MPP7: variants seen among roughly 807,000 people sequenced by gnomAD.
MPP7 encodes MAGUK p55 subfamily member 7.
In MPP7, 60 loss-of-function variants were observed where a neutral mutation model predicts 76.5. The ratio of observed to expected loss-of-function variants is 0.78; its 90% CI spans 0.64 to 0.97. The LOEUF is 0.97. Ranked by LOEUF, MPP7 falls within the 50% of genes least tolerant of loss-of-function variation. MPP7 has a pLI of 0.00. For missense variants in MPP7, 641 were observed against 694.0 expected, an observed-to-expected ratio of 0.92 and a Z score of 0.86; for synonymous variants, 237 against 244.5, an observed-to-expected ratio of 0.97 and a Z score of 0.29.
At chr10:28,105,499 T>A (rs1402398113) in intron 11 of MPP7, among the ~76,000 whole-genome samples, 1 of 152,164 alleles carries the variant, frequency 6.6e-6, no homozygotes, top group Non-Finnish European at 1.5e-5. Flanking sequence ...TCAGTTATAA[T>A]GCAGCTCAGC....
At position 28,175,213 on chromosome 10, in the gene MPP7, C is replaced by G. The variant is rs571215200; in HGVS notation, c.157-25154G>C. Among the ~76,000 whole-genome samples, 133 of 151,988 alleles carry G rather than the reference C, an allele frequency of 8.8e-4. 1 individual carries two copies. The highest frequency in any genetic ancestry group is 4.0e-4 in the Non-Finnish European group (27 of 67,960). On this transcript the variant is annotated intron_variant, in intron 3 of 16. Coordinates refer to ENST00000683449, the MANE Select transcript of MPP7 (RefSeq NM_001318170.2). ...TCTGAGGCATGAGAATCACTTGAAC[C>G]CAGGGGGCAGAGGGTGCAGTGAGCT...
At chr10:28,213,573 T>A (rs1218802491) in intron 2 of MPP7, among the ~76,000 whole-genome samples, 1 of 151,620 alleles carries the variant, frequency 6.6e-6, no homozygotes. Flanking sequence ...GGCGGGCAGA[T>A]CAAGAGGTCA....
chr10:28,173,905 A>G (rs1255199200), intron 3 of MPP7, among the ~76,000 whole-genome samples: 1 of 152,250 alleles, frequency 6.6e-6, no homozygotes, highest in Non-Finnish European at 1.5e-5. Context: ...AATTCAATGC[A>G]ATAATCATCA....
chr10:28,195,543 T>C (rs951111382), intron 3 of MPP7, among the ~76,000 whole-genome samples: 1 of 152,246 alleles, frequency 6.6e-6, no homozygotes, highest in African/African-American at 2.4e-5. Context: ...CATACAATGT[T>C]ATTCAGTCAT....
chr10:28,105,277 A>G (rs1834287858), intron 11 of MPP7, among the ~76,000 whole-genome samples: 1 of 151,910 alleles, frequency 6.6e-6, no homozygotes, highest in Admixed American at 6.6e-5. Flanking sequence ...GAAGAAACAT[A>G]TTGTCTCATT....
chr10:28,300,762 G>A (rs934013312), intron 1 of MPP7, among the ~76,000 whole-genome samples: 1 of 151,518 alleles, frequency 6.6e-6, no homozygotes, highest in Non-Finnish European at 1.5e-5. Flanking sequence ...GACCAGCCTG[G>A]CCAACATAGT....
chr10:28,142,496 C>A (rs563936652), intron 5 of MPP7, among the ~76,000 whole-genome samples: 1 of 152,130 alleles, frequency 6.6e-6, no homozygotes, highest in Non-Finnish European at 1.5e-5. Flanking sequence ...TTTGGGAGGA[C>A]TAGGTGAGTG....
At chr10:28,305,976 A>G (rs1841252458), upstream of MPP7, 1 of 152,232 alleles carries the variant, frequency 6.6e-6, no homozygotes, top group East Asian at 1.9e-4. Flanking sequence ...GGTGAGCAGT[A>G]TTAATCCTAT....
chr10:28,302,466 C>T (rs540562763), intron 1 of MPP7, among the ~76,000 whole-genome samples: 1 of 152,328 alleles, frequency 6.6e-6, no homozygotes, highest in Admixed American at 6.5e-5. Context: ...AAGAAGCCAG[C>T]CAGCTTATCG....
chr10:28,177,028 T>A (rs1248026401), intron 3 of MPP7, among the ~76,000 whole-genome samples: 60 of 136,806 alleles, frequency 4.4e-4, no homozygotes, highest in African/African-American at 1.1e-3. Flanking sequence ...AAGTATAATT[T>A]AAAAAAAAAA....
At chr10:28,145,894 C>T (rs1433228068) in intron 5 of MPP7, among the ~76,000 whole-genome samples, 3 of 152,126 alleles carry the variant, frequency 2.0e-5, no homozygotes, top group Non-Finnish European at 2.9e-5. Flanking sequence ...AGTCATACCT[C>T]CCTCTTGAGC....
chr10:28,269,634 C>G (rs1269286056), intron 1 of MPP7, among the ~76,000 whole-genome samples: 1 of 151,456 alleles, frequency 6.6e-6, no homozygotes, highest in Non-Finnish European at 1.5e-5. Flanking sequence ...TCAAGTGATC[C>G]TCCCAGCTCA....
chr10:28,272,602 C>T (rs1327430351), intron 1 of MPP7, among the ~76,000 whole-genome samples: 1 of 152,000 alleles, frequency 6.6e-6, no homozygotes, highest in East Asian at 1.9e-4. Context: ...GAATAATCAA[C>T]AGATATAGTT....
At chr10:28,132,631 G>T (rs781572644) in intron 5 of MPP7, among the ~76,000 whole-genome samples, 2 of 151,946 alleles carry the variant, frequency 1.3e-5, no homozygotes, top group East Asian at 3.9e-4. Flanking sequence ...ACAGAGTCTC[G>T]CTCTGTCGCC....
rs529606437 is a variant in MPP7 at position 28,176,723 on chromosome 10, C to T, written c.156+25430G>A. 4.0e-3 allele frequency among the ~76,000 whole-genome samples: 610 copies of T among 151,566 alleles called. 4 individuals are homozygous for T. The highest frequency in any genetic ancestry group is 0.014 in the African/African-American group (590 of 41,252). The stretch of plus-strand genomic sequence containing the variant: ...CTGCACTCCAGCCTGAGCAACAGAG[C>T]AAGACTCTGTCTAAAAAAAAAGAAA... On this transcript the variant is annotated intron_variant, in intron 3 of 16. Coordinates refer to ENST00000683449, the MANE Select transcript of MPP7 (RefSeq NM_001318170.2).
intron 3 of MPP7, among the ~76,000 whole-genome samples, chr10:28,185,617 C>G (rs1333203944): frequency 1.3e-5 from 2 of 152,210 alleles, no homozygotes; most frequent in Non-Finnish European, 2.9e-5. Context: ...TTATTACACT[C>G]ACACATCCAA....
At chr10:28,080,375 A>G (rs967467709) in intron 12 of MPP7, among the ~76,000 whole-genome samples, 1 of 152,104 alleles carries the variant, frequency 6.6e-6, no homozygotes, top group African/African-American at 2.4e-5. Context: ...CTTACTTCAG[A>G]GTTTGCTCAG....
At chr10:28,216,503 C>T (rs1838315398) in intron 2 of MPP7, among the ~76,000 whole-genome samples, 1 of 152,256 alleles carries the variant, frequency 6.6e-6, no homozygotes, top group East Asian at 1.9e-4. Context: ...TCCAGGGAAC[C>T]AATCATTTGT....
intron 3 of MPP7, among the ~76,000 whole-genome samples, chr10:28,167,445 G>A (rs544456713): frequency 6.6e-6 from 1 of 152,122 alleles, no homozygotes; most frequent in Non-Finnish European, 1.5e-5. Flanking sequence ...ATAAAGATGG[G>A]AGCAACAGAC....
Sources: gnomAD v4.1 joint callset for allele counts (sites outside exome capture counted in the v4.1 genomes callset) on GRCh38, gnomAD v4.1.1 for gene constraint, MANE v1.5 for transcripts, NCBI Gene and HGNC (gene_info 2026-07-23, HGNC 2026-07-21) for gene names.